MACROD2: variants seen among roughly 807,000 people sequenced by gnomAD.
MACROD2 encodes mono-ADP ribosylhydrolase 2.
A neutral mutation model predicts 70.4 loss-of-function variants in MACROD2; 36 were observed. The observed-to-expected ratio is 0.51, with a 90% CI of 0.39 to 0.68. The LOEUF (loss-of-function observed/expected upper bound fraction) is 0.68, where lower values mean the gene tolerates loss of function less well. Ranked by LOEUF, MACROD2 falls within the 30% of genes least tolerant of loss-of-function variation. The probability of loss-of-function intolerance (pLI) is 0.00; values close to 1 mark genes in which losing one functional copy is unlikely to be tolerated. For missense variants in MACROD2, 496 were observed against 538.4 expected (o/e 0.92, Z 0.78); for synonymous variants, 172 against 178.8 (o/e 0.96, Z 0.30).
chr20:16,041,397 T>A, intron 16 of MACROD2, 119 bp downstream of exon 16: 1 of 779,036 alleles, frequency 1.3e-6, no homozygotes, highest in Non-Finnish European at 2.0e-6. Context: ...TAGAACACAG[T>A]AAATTTCAAA....
intron 3 of MACROD2, among the ~76,000 whole-genome samples, chr20:14,427,824 A>C (rs1177849066): frequency 1.3e-5 from 2 of 152,154 alleles, no homozygotes; most frequent in African/African-American, 4.8e-5. Context: ...TTAATTCTTC[A>C]GTCTCAGTTT....
chr20:15,114,302 T>C (rs934997420), intron 5 of MACROD2, among the ~76,000 whole-genome samples: 1 of 152,196 alleles, frequency 6.6e-6, no homozygotes, highest in Non-Finnish European at 1.5e-5. Flanking sequence ...TGCTAGTTAA[T>C]AGAATATGGC....
chr20:15,199,710 A>G (rs1016970208), intron 5 of MACROD2, among the ~76,000 whole-genome samples: 2 of 152,024 alleles, frequency 1.3e-5, no homozygotes, highest in Non-Finnish European at 2.9e-5. Context: ...TTATGGAAAT[A>G]TTTTCCAGTT....
intron 3 of MACROD2, among the ~76,000 whole-genome samples, chr20:14,275,530 A>G (rs1482575295): frequency 6.6e-6 from 1 of 151,730 alleles, no homozygotes; most frequent in African/African-American, 2.4e-5. Context: ...TAAAAACCCT[A>G]GAAGAAAACC....
intron 5 of MACROD2, among the ~76,000 whole-genome samples, chr20:14,955,063 A>T (rs2074519647): frequency 8.2e-6 from 1 of 122,312 alleles, no homozygotes; most frequent in Non-Finnish European, 1.6e-5. Flanking sequence ...TATATAATTA[A>T]ATATATTAAA....
At chr20:15,862,889 CTA>C in intron 9 of MACROD2, 63 bp downstream of exon 9, 7 of 1,222,568 alleles carry the variant, frequency 5.7e-6, no homozygotes, top group South Asian at 1.3e-5. Flanking sequence ...GCCGTCACTT[CTA>C]TTCCTATTGT....
chr20:14,640,153 A>T (rs1028896227), intron 4 of MACROD2, among the ~76,000 whole-genome samples: 1 of 152,232 alleles, frequency 6.6e-6, no homozygotes, highest in African/African-American at 2.4e-5. Context: ...AAAAATGTGA[A>T]GACTAATTTA....
At chr20:15,743,515 T>G (rs2051135776) in intron 8 of MACROD2, among the ~76,000 whole-genome samples, 1 of 152,170 alleles carries the variant, frequency 6.6e-6, no homozygotes, top group Admixed American at 6.5e-5. Flanking sequence ...AAATCCCACT[T>G]GACTTCATCC....
chr20:15,080,195 C>G (rs2327913), intron 5 of MACROD2, among the ~76,000 whole-genome samples: 95,158 of 151,870 alleles, frequency 0.63, 30,085 homozygotes, highest in East Asian at 0.74. Flanking sequence ...TTCAGCTACT[C>G]TTCCAGGCTT....
At chr20:14,377,910 G>A (rs1011551601) in intron 3 of MACROD2, among the ~76,000 whole-genome samples, 21 of 152,220 alleles carry the variant, frequency 1.4e-4, no homozygotes, top group African/African-American at 4.6e-4. Context: ...CAGAAGTCGG[G>A]GCTCCAAGTA....
chr20:14,965,805 A>G (rs898531023), intron 5 of MACROD2, among the ~76,000 whole-genome samples: 1 of 152,036 alleles, frequency 6.6e-6, no homozygotes, highest in African/African-American at 2.4e-5. Context: ...TAGAGGTGAT[A>G]AATTTTATCC....
chr20:15,172,617 C>T (rs1235681761), intron 5 of MACROD2, among the ~76,000 whole-genome samples: 1 of 152,046 alleles, frequency 6.6e-6, no homozygotes, highest in African/African-American at 2.4e-5. Context: ...ACTATATTTC[C>T]CTGGCTGGTC....
intron 8 of MACROD2, among the ~76,000 whole-genome samples, chr20:15,503,370 G>A (rs533035706): frequency 1.3e-5 from 2 of 152,302 alleles, no homozygotes; most frequent in Admixed American, 1.3e-4. Context: ...TAAAGCTCAA[G>A]ATAGAAGTAG....
chr20:15,432,053 G>T (rs1294961467), intron 7 of MACROD2, among the ~76,000 whole-genome samples: 2 of 151,754 alleles, frequency 1.3e-5, no homozygotes, highest in East Asian at 3.9e-4. Context: ...CTACCTACAA[G>T]AACTTTTTTA....
intron 8 of MACROD2, among the ~76,000 whole-genome samples, chr20:15,587,517 G>A (rs939414205): frequency 6.6e-6 from 1 of 152,124 alleles, no homozygotes; most frequent in East Asian, 1.9e-4. Context: ...ACAGTCCAAA[G>A]TCTCATCTGA....
chr20:15,507,601 G>A (rs2047444603), intron 8 of MACROD2, among the ~76,000 whole-genome samples: 1 of 151,206 alleles, frequency 6.6e-6, no homozygotes, highest in African/African-American at 2.4e-5. Flanking sequence ...GTCGGGATTT[G>A]TGACAAGCAG....
chr20:15,549,756 A>T (rs1375912069), intron 8 of MACROD2, among the ~76,000 whole-genome samples: 2 of 152,040 alleles, frequency 1.3e-5, no homozygotes, highest in African/African-American at 4.8e-5. Context: ...TTCCTAAATT[A>T]CCACTTAGCA....
chr20:14,340,235 G>A (rs2082999340), intron 3 of MACROD2, among the ~76,000 whole-genome samples: 1 of 152,204 alleles, frequency 6.6e-6, no homozygotes, highest in South Asian at 2.1e-4. Context: ...GACAACCAGT[G>A]TAGTAGACCT....
intron 7 of MACROD2, among the ~76,000 whole-genome samples, chr20:15,445,775 G>C (rs919137964): frequency 6.6e-6 from 1 of 152,182 alleles, no homozygotes; most frequent in Admixed American, 6.5e-5. Context: ...TTATTTTCCT[G>C]GCTGGGAAAA....
Sources: gnomAD v4.1 joint callset for allele counts (sites outside exome capture counted in the v4.1 genomes callset) on GRCh38, gnomAD v4.1.1 for gene constraint, MANE v1.5 for transcripts, NCBI Gene and HGNC (gene_info 2026-07-23, HGNC 2026-07-21) for gene names.